The following DNMT3B variants were observed in gnomAD, a reference collection of about 807,000 sequenced individuals.
DNMT3B encodes DNA methyltransferase 3 beta.
In DNMT3B, 37 loss-of-function variants were observed where a neutral mutation model predicts 120.2. The ratio of observed to expected loss-of-function variants is 0.31; its 90% CI spans 0.24 to 0.40. The LOEUF (loss-of-function observed/expected upper bound fraction) is 0.40, where lower values mean the gene tolerates loss of function less well. DNMT3B is among the 10% of genes least tolerant of loss of function. DNMT3B has a pLI of 1.00. For missense variants in DNMT3B, 878 were observed against 1,137.3 expected (o/e 0.77, Z 3.28); for synonymous variants, 412 against 442.8 (o/e 0.93, Z 0.87).
At chr20:32,785,618 G>A (rs897204300) in intron 4 of DNMT3B, among the ~76,000 whole-genome samples, 7 of 152,034 alleles carry the variant, frequency 4.6e-5, no homozygotes, top group Non-Finnish European at 7.3e-5. Flanking sequence ...CCCAGGATAT[G>A]GTCTGTATCA....
At chr20:32,780,786 C>T (rs1430298753) in intron 2 of DNMT3B, among the ~76,000 whole-genome samples, 1 of 152,096 alleles carries the variant, frequency 6.6e-6, no homozygotes, top group Non-Finnish European at 1.5e-5. Flanking sequence ...ACCCTCTCCC[C>T]ACTCAGAGCT....
At chr20:32,788,727 C>T (rs1396430586) in intron 6 of DNMT3B, 127 bp from the exon 7 acceptor site, 13 of 1,217,474 alleles carry the variant, frequency 1.1e-5, no homozygotes, top group African/African-American at 5.9e-5. Context: ...GCATGAACCA[C>T]GGTGTCTGGC....
chr20:32,799,086 C>T (rs1229304978), intron 15 of DNMT3B, among the ~76,000 whole-genome samples, 158 bp from the exon 16 acceptor site: 1 of 152,172 alleles, frequency 6.6e-6, no homozygotes, highest in African/African-American at 2.4e-5. Context: ...GTGTGGTACA[C>T]ACTTGTCTCC....
chr20:32,791,769 A>G, intron 8 of DNMT3B, 61 bp downstream of exon 8: 1 of 1,581,548 alleles, frequency 6.3e-7, no homozygotes, highest in Non-Finnish European at 8.7e-7. Context: ...CAAGAGACCC[A>G]CAGAAACCTA....
chr20:32,765,846 C>T (rs571187420), intron 1 of DNMT3B, among the ~76,000 whole-genome samples: 1 of 150,774 alleles, frequency 6.6e-6, no homozygotes, highest in South Asian at 2.1e-4. Flanking sequence ...AGCTCCGCCC[C>T]TCGGGTTCAT....
rs373620809 is a variant in DNMT3B at position 32,800,824 on chromosome 20, C to G, written c.1906-11C>G. 1.1e-4 allele frequency: 170 copies of G among 1,613,952 alleles called. 1 individual carries two copies. In the African/African-American group the frequency reaches 1.9e-3, roughly 18 times the overall value. ...CCACACCCTCATCCTGACTCTGTCT[C>G]TCTCTTTCAGATTGAAGAATGGGGC... is the stretch of plus-strand genomic sequence containing the variant. On this transcript the variant is annotated splice_polypyrimidine_tract_variant and intron_variant, in intron 17 of 22. Coordinates refer to ENST00000328111, the MANE Select transcript of DNMT3B (RefSeq NM_006892.4).
chr20:32,766,733 A>G (rs1454882039), intron 1 of DNMT3B, among the ~76,000 whole-genome samples: 2 of 151,858 alleles, frequency 1.3e-5, no homozygotes, highest in South Asian at 4.2e-4. Flanking sequence ...GACTACAGGC[A>G]TGCACCACCA....
rs1299205689 is a variant in DNMT3B, at chr20:32,780,476, A to G, written c.142+11A>G. 4.3e-6 allele frequency: 7 copies of G among 1,611,234 alleles called. No homozygotes were observed. Among genetic ancestry groups the G allele is most frequent in the Non-Finnish European group, 5.9e-6 (7 of 1,179,918 alleles). On this transcript the variant is annotated intron_variant, in intron 2 of 22. Transcript: ENST00000328111. ...CCCCGGAGATCAGAGGTGGCTGGGCAGTGGGGACTGGGGTGGTGTCAGGCG... is the reference window on the plus strand; with the variant it reads ...CCCCGGAGATCAGAGGTGGCTGGGCGGTGGGGACTGGGGTGGTGTCAGGCG...
At chr20:32,785,045 T>TG (rs1053387288) in intron 4 of DNMT3B, among the ~76,000 whole-genome samples, 186 bp downstream of exon 4, 1 of 151,620 alleles carries the variant, frequency 6.6e-6, no homozygotes, top group Admixed American at 6.6e-5. Context: ...TTTTTTCTTT[T>TG]TTTTTTTCTG....
intron 21 of DNMT3B, 120 bp from the exon 22 acceptor site, chr20:32,806,089 C>A: frequency 9.8e-6 from 9 of 919,346 alleles, no homozygotes; most frequent in Non-Finnish European, 1.6e-5. Context: ...TCTCTCCCAG[C>A]CCTGCCACTC....
intron 3 of DNMT3B, among the ~76,000 whole-genome samples, chr20:32,784,057 C>A (rs1388216908): frequency 6.6e-6 from 1 of 152,186 alleles, no homozygotes; most frequent in African/African-American, 2.4e-5. Flanking sequence ...GCTGGAATTA[C>A]AGGCACATGC....
At chr20:32,776,752 A>G (rs996463661) in intron 1 of DNMT3B, among the ~76,000 whole-genome samples, 2 of 152,198 alleles carry the variant, frequency 1.3e-5, no homozygotes, top group African/African-American at 4.8e-5. Context: ...GGATTTTTAT[A>G]TATTTATATA....
In DNMT3B at chr20:32,800,944, G is replaced by C; in HGVS notation, c.1996+19G>C. The C allele has an allele frequency of 1.2e-6, 2 of 1,613,640 alleles. No individual in the cohort carries two copies. Among genetic ancestry groups the C allele is most frequent in the Non-Finnish European group, 1.7e-6 (2 of 1,179,568 alleles). On this transcript the variant is annotated intron_variant, in intron 18 of 22. Coordinates refer to ENST00000328111, the MANE Select transcript of DNMT3B (RefSeq NM_006892.4). ...CTGTATGGTGAGCATCCTTCTCTCT[G>C]GCAGTCCCTGGAGAGCCTATGTCAC...
chr20:32,788,737 C>A, intron 6 of DNMT3B, 117 bp from the exon 7 acceptor site: 1 of 1,327,554 alleles, frequency 7.5e-7, no homozygotes, highest in Non-Finnish European at 1.1e-6. Context: ...CGGTGTCTGG[C>A]TACATCTTGC....
chr20:32,779,986 C>A, intron 1 of DNMT3B: 1 of 1,237,582 alleles, frequency 8.1e-7, no homozygotes, highest in Non-Finnish European at 1.2e-6. Context: ...CCGGGACAGG[C>A]AGGTCCTAAA....
intron 3 of DNMT3B, among the ~76,000 whole-genome samples, chr20:32,781,946 A>C (rs549107575): frequency 6.6e-6 from 1 of 152,338 alleles, no homozygotes; most frequent in East Asian, 1.9e-4. Flanking sequence ...TCCAAAGTGC[A>C]GGAGTGATGA....
rs1013497085 is a variant in DNMT3B at position 32,808,955 on chromosome 20, G to A, written c.*1052G>A. ...CTTCCCCACATCTGAGAGATGACAG[G>A]GAAAACTGCAAAGCTCGGTGCTCCC... On this transcript the variant is annotated 3_prime_UTR_variant, in exon 23 of 23. Coordinates refer to ENST00000328111, the MANE Select transcript of DNMT3B (RefSeq NM_006892.4). 4.5e-6 allele frequency: 1 copy of A among 220,772 alleles called. No homozygotes were observed. Among genetic ancestry groups the A allele is most frequent in the African/African-American group, 2.2e-5 (1 of 44,540 alleles). The allele number at this position is 220,772 out of a possible 1,614,324, so 13.7% of individuals were successfully genotyped here. A position where few individuals can be genotyped will look rare whatever the true frequency, so the allele number is the denominator to read the frequency against.
chr20:32,806,419 C>A (rs1981988913), intron 22 of DNMT3B, 92 bp downstream of exon 22: 3 of 1,167,942 alleles, frequency 2.6e-6, no homozygotes, highest in Non-Finnish European at 3.9e-6. Context: ...TCTTGATGGC[C>A]TCACTGCCCT....
At position 32,770,720 on chromosome 20, in the gene DNMT3B, C is replaced by T. The variant is rs545163456; in HGVS notation, c.-7+8021C>T. Among the ~76,000 whole-genome samples, 3 of 151,644 alleles carry T rather than the reference C, an allele frequency of 2.0e-5. No homozygotes were observed. The East Asian group carries it at 5.8e-4, about 30-fold the overall frequency. ...CTCCGCCTCCCGGGTTCAAGTGATT[C>T]TCTTGCCTCAGCCTCCTGAGTAGCT... On this transcript the variant is annotated intron_variant, in intron 1 of 22. Coordinates refer to ENST00000328111, the MANE Select transcript of DNMT3B (RefSeq NM_006892.4).
Sources: allele counts gnomAD v4.1 joint callset (sites outside exome capture counted in the v4.1 genomes callset), GRCh38; gene constraint gnomAD v4.1.1; transcripts MANE v1.5; gene names NCBI Gene and HGNC (gene_info 2026-07-23, HGNC 2026-07-21).